The following FSIP2 variants were observed in gnomAD, a reference collection of about 807,000 sequenced individuals.
FSIP2 encodes fibrous sheath-interacting protein 2.
In FSIP2, 367 loss-of-function variants were observed where a neutral mutation model predicts 510.5. The observed-to-expected ratio is 0.72, with a 90% CI of 0.66 to 0.78. The LOEUF is 0.78. Among genes scored for constraint, FSIP2 ranks in the 30% least tolerant of loss-of-function variants. FSIP2 has a pLI of 0.00. For synonymous variants in FSIP2, 2,601 were observed against 2,732.2 expected, an observed-to-expected ratio of 0.95 and a Z score of 1.50; for missense variants, 7,594 against 7,901.7, an observed-to-expected ratio of 0.96 and a Z score of 1.48.
intron 19 of FSIP2, among the ~76,000 whole-genome samples, chr2:185,816,908 GAGAA>G (rs1419144928): frequency 3.4e-5 from 5 of 146,882 alleles, no homozygotes; most frequent in Non-Finnish European, 7.5e-5. Flanking sequence ...AGAAAAGAGA[GAGAA>G]AGAAAAAAGA....
intron 20 of FSIP2, among the ~76,000 whole-genome samples, chr2:185,826,522 T>A (rs1250499406): frequency 6.6e-6 from 1 of 151,868 alleles, no homozygotes; most frequent in Non-Finnish European, 1.5e-5. Context: ...AGGTCTTCAC[T>A]GGCCACACTC....
chr2:185,771,246 G>C (rs572506298), intron 13 of FSIP2, among the ~76,000 whole-genome samples: 1 of 152,290 alleles, frequency 6.6e-6, no homozygotes, highest in African/African-American at 2.4e-5. Context: ...CCACTAGGTA[G>C]TGCCCAGTGA....
intron 1 of FSIP2, 116 bp from the exon 2 acceptor site, chr2:185,739,230 C>T: frequency 8.0e-7 from 1 of 1,243,672 alleles, no homozygotes; most frequent in East Asian, 2.7e-5. Context: ...TCAGGATGCC[C>T]CGAACCCTGA....
rs141490968 is a variant in FSIP2, at chr2:185,777,958, TAAAA to T, written c.1412-4746_1412-4743del. Among the ~76,000 whole-genome samples, 784 of 152,224 alleles carry T rather than the reference TAAAA, an allele frequency of 5.2e-3. 7 individuals carry two copies. The highest frequency in any genetic ancestry group is 0.018 in the African/African-American group (750 of 41,596). ...TTGAATGTTCGGTAGAAGTCACTGT[TAAAA>T]TAAATAACCTAGTTTTTGTTCTTTT... is the stretch of plus-strand genomic sequence containing the variant. On this transcript the variant is annotated intron_variant, in intron 13 of 22. Transcript: ENST00000424728.
At chr2:185,767,381 C>T (rs971479140) in intron 13 of FSIP2, among the ~76,000 whole-genome samples, 1 of 152,006 alleles carries the variant, frequency 6.6e-6, no homozygotes, top group African/African-American at 2.4e-5. Flanking sequence ...TTTTTAATGA[C>T]ACAATATTGT....
intron 13 of FSIP2, among the ~76,000 whole-genome samples, chr2:185,770,839 A>T (rs928506455): frequency 2.0e-5 from 3 of 152,226 alleles, no homozygotes; most frequent in African/African-American, 7.2e-5. Flanking sequence ...GCCTTCACTT[A>T]TGAGCTTCTG....
intron 13 of FSIP2, among the ~76,000 whole-genome samples, chr2:185,775,994 G>A (rs889066237): frequency 3.9e-5 from 6 of 152,132 alleles, no homozygotes; most frequent in Non-Finnish European, 7.4e-5. Flanking sequence ...ATTGTGCTGG[G>A]TGCAGTGGTT....
At chr2:185,811,730 G>C (rs1019283486) in intron 17 of FSIP2, among the ~76,000 whole-genome samples, 3 of 152,028 alleles carry the variant, frequency 2.0e-5, no homozygotes, top group Admixed American at 1.3e-4. Context: ...GGTTTCATGG[G>C]CTCCGCAGAC....
chr2:185,745,151 C>A, intron 4 of FSIP2: 1 of 212,560 alleles, frequency 4.7e-6, no homozygotes. Flanking sequence ...TGTATTTTCC[C>A]CACTTCATTC....
At chr2:185,815,031 T>C (rs1693803364) in intron 18 of FSIP2, among the ~76,000 whole-genome samples, 1 of 152,058 alleles carries the variant, frequency 6.6e-6, no homozygotes, top group African/African-American at 2.4e-5. Flanking sequence ...TGACCAGAGT[T>C]GTATCTGTGT....
chr2:185,814,180 G>A lies in FSIP2; in HGVS notation c.20325+138G>A, dbSNP rs553328858. ...AAGCCTGGTGATATTTACAGGATAAGGGAAATTATTACCAGGTACAGCTAT... is the reference window on the plus strand; with the variant it reads ...AAGCCTGGTGATATTTACAGGATAAAGGAAATTATTACCAGGTACAGCTAT... On this transcript the variant is annotated intron_variant, in intron 18 of 22. Transcript: ENST00000424728. 1.4e-4 allele frequency: 124 copies of A among 860,400 alleles called. No individual in the cohort carries two copies. The South Asian group carries it at 2.5e-3, about 17-fold the overall frequency. The allele number at this position is 860,400 out of a possible 1,614,324, so 53.3% of individuals were successfully genotyped here.
chr2:185,739,121 C>A lies in FSIP2; in HGVS notation c.99+128C>A, dbSNP rs1425332098. On this transcript the variant is annotated intron_variant, in intron 1 of 22. Transcript: ENST00000424728. ...CCCCCGTCAGGAGGCTGCCCTCTTGCGGCGCCCGGGGGCGGTGGCGGTGGC... is the reference window on the plus strand; with the variant it reads ...CCCCCGTCAGGAGGCTGCCCTCTTGAGGCGCCCGGGGGCGGTGGCGGTGGC... The A allele has an allele frequency of 4.6e-6, 6 of 1,294,240 alleles. No homozygotes were observed. The Admixed American group carries it at 8.7e-5, about 19-fold the overall frequency. 80.2% of individuals were successfully genotyped at this position (1,294,240 alleles called of 1,614,324 possible).
chr2:185,770,888 G>A (rs1692594386), intron 13 of FSIP2, among the ~76,000 whole-genome samples: 1 of 152,132 alleles, frequency 6.6e-6, no homozygotes, highest in South Asian at 2.1e-4. Flanking sequence ...ATACTATGGT[G>A]GTACAGGCAT....
In FSIP2 at chr2:185,795,447, G is replaced by A; in HGVS notation, c.8311G>A (p.Ala2771Thr). 1 of 1,534,744 alleles carries A rather than the reference G, an allele frequency of 6.5e-7. No homozygotes were observed. Among genetic ancestry groups the A allele is most frequent in the Non-Finnish European group, 8.7e-7 (1 of 1,145,980 alleles). ...KALPSDQIIA[A>T]GKIVNTVLQE... ...TTTACCATCTGATCAAATCATAGCA[G>A]CAGGTAAAATAGTTAATACAGTTTT... The change falls in exon 16 of 23, where the codon GCA (alanine) becomes ACA (threonine). Residue 2771 changes from alanine to threonine, a missense_variant. Transcript: ENST00000424728.
Position 185,801,765 on chromosome 2 carries a change from G to A in FSIP2, c.12459G>A (p.Gln4153=). ...LEDVIRRLLS[Q]LIPPPITCSS... ...ATGTCATAAGAAGGCTTTTATCTCAGCTAATTCCTCCACCCATTACATGTT... is the reference window on the plus strand; with the variant it reads ...ATGTCATAAGAAGGCTTTTATCTCAACTAATTCCTCCACCCATTACATGTT... The change falls in exon 17 of 23, where the codon CAG becomes CAA. Residue 4153 remains glutamine (Q), a synonymous_variant. Transcript: ENST00000424728. 3 of 1,524,124 alleles carry A rather than the reference G, an allele frequency of 2.0e-6. No homozygotes were observed. Among genetic ancestry groups the A allele is most frequent in the Admixed American group, 2.0e-5 (1 of 49,866 alleles). The allele number at this position is 1,524,124 out of a possible 1,614,324, so 94.4% of individuals were successfully genotyped here.
At chr2:185,745,967 G>T (rs746458558) in intron 5 of FSIP2, among the ~76,000 whole-genome samples, 1 of 152,138 alleles carries the variant, frequency 6.6e-6, no homozygotes, top group South Asian at 2.1e-4. Flanking sequence ...ATATAAATAT[G>T]TGCTGTCTAT....
chr2:185,820,726 A>G (rs906561140), intron 19 of FSIP2, among the ~76,000 whole-genome samples: 1 of 151,638 alleles, frequency 6.6e-6, no homozygotes, highest in African/African-American at 2.4e-5. Flanking sequence ...ACAATATACT[A>G]TCAACTTATG....
At chr2:185,817,007 GA>G (rs142423552) in intron 19 of FSIP2, among the ~76,000 whole-genome samples, 40,128 of 150,540 alleles carry the variant, frequency 0.27, 6,041 homozygotes, top group East Asian at 0.45. Flanking sequence ...GGGAGGGAGA[GA>G]GGGGTGAAGA....
chr2:185,738,580 T>C (rs367912468), upstream of FSIP2: 4 of 1,533,168 alleles, frequency 2.6e-6, no homozygotes, highest in Admixed American at 2.0e-5. Flanking sequence ...CAACAAAGCT[T>C]ATACGTTTTC....
Sources: allele counts gnomAD v4.1 joint callset (sites outside exome capture counted in the v4.1 genomes callset), GRCh38; gene constraint gnomAD v4.1.1; transcripts MANE v1.5; gene names NCBI Gene and HGNC (gene_info 2026-07-23, HGNC 2026-07-21).